Variants in CENPV observed in about 807,000 individuals in gnomAD.
CENPV encodes the protein centromere protein V.
A neutral mutation model predicts 26.4 loss-of-function variants in CENPV; 15 were observed. The ratio of observed to expected loss-of-function variants is 0.57; its 90% CI spans 0.38 to 0.88. The LOEUF is 0.88. CENPV is among the 40% of genes least tolerant of loss of function. The pLI is 0.00. For missense variants in CENPV, 336 were observed against 376.5 expected (o/e 0.89, Z 0.89); for synonymous variants, 172 against 165.5 (o/e 1.04, Z -0.30).
chr17:16,348,500 C>T, intron 3 of CENPV, 116 bp downstream of exon 3: 1 of 1,547,994 alleles, frequency 6.5e-7, no homozygotes, highest in Non-Finnish European at 8.8e-7. Context: ...GTGAGAGGCC[C>T]TGCTATGCTC....
rs924526302 is a variant in CENPV, at chr17:16,342,761, G to C, written c.*56C>G. On this transcript the variant is annotated 3_prime_UTR_variant, in exon 5 of 5. Transcript: ENST00000299736. ...GAGCACCACCGAGGCACGGCAGGGAGAGCAAAGTTGCTGGCCCCAATCATT... is the reference window on the plus strand; with the variant it reads ...GAGCACCACCGAGGCACGGCAGGGACAGCAAAGTTGCTGGCCCCAATCATT... The C allele has an allele frequency of 3.1e-6, 5 of 1,610,560 alleles. No individual in the cohort carries two copies. The highest frequency in any genetic ancestry group is 4.5e-5 in the East Asian group (2 of 44,824).
intron 3 of CENPV, among the ~76,000 whole-genome samples, chr17:16,345,986 C>T (rs982593734): frequency 5.3e-5 from 8 of 152,080 alleles, no homozygotes; most frequent in African/African-American, 1.7e-4. Flanking sequence ...AGGACATGAA[C>T]GGACAGTTCA....
chr17:16,349,783 A>C, intron 2 of CENPV, 148 bp downstream of exon 2: 1 of 1,444,424 alleles, frequency 6.9e-7, no homozygotes, highest in Non-Finnish European at 9.1e-7. Flanking sequence ...TAGAACAATG[A>C]ACCTTTCTGT....
At chr17:16,349,431 C>T (rs2093220432) in intron 2 of CENPV, 10 of 986,036 alleles carry the variant, frequency 1.0e-5, no homozygotes, top group Non-Finnish European at 1.2e-5. Flanking sequence ...ATCATAACGC[C>T]GGGGAAGGTG....
intron 4 of CENPV, 173 bp downstream of exon 4, chr17:16,344,424 C>T (rs775761832): frequency 5.4e-6 from 2 of 372,032 alleles, no homozygotes; most frequent in Non-Finnish European, 9.7e-6. Flanking sequence ...TTCACCGGAG[C>T]CCGACTCACA....
At chr17:16,351,869 T>C (rs904546584) in intron 1 of CENPV, 2 of 152,248 alleles carry the variant, frequency 1.3e-5, no homozygotes, top group African/African-American at 4.8e-5. Flanking sequence ...TTCCTAAGGA[T>C]CTTCGTATTC....
chr17:16,352,998 T>A, intron 1 of CENPV, 29 bp downstream of exon 1: 1 of 1,525,840 alleles, frequency 6.6e-7, no homozygotes, highest in South Asian at 1.2e-5. Flanking sequence ...TGGCAACGGC[T>A]CCCGCGCCCC....
chr17:16,348,982 T>A, intron 2 of CENPV: 1 of 1,083,912 alleles, frequency 9.2e-7, no homozygotes, highest in East Asian at 5.4e-5. Context: ...AGCGCTGGAC[T>A]TCAGAGACAC....
At chr17:16,353,003 CG>C in intron 1 of CENPV, 23 bp downstream of exon 1, 2 of 1,531,890 alleles carry the variant, frequency 1.3e-6, no homozygotes, top group Admixed American at 2.0e-5. Flanking sequence ...ACGGCTCCCG[CG>C]CCCCCCGGCC....
chr17:16,351,531 A>G (rs113885911), intron 1 of CENPV: 1 of 152,208 alleles, frequency 6.6e-6, no homozygotes, highest in Non-Finnish European at 1.5e-5. Flanking sequence ...ACACTATTTG[A>G]GAGTGCTCAA....
rs770031926 is a variant in CENPV, at chr17:16,348,262, T to TTC, written c.579+352_579+353dup. ...ACCTCCACCTCCCAGGTTCAAGTGA[T>TTC]TCTCCTGCCTTGGCCTCCCAAGTAG... On this transcript the variant is annotated intron_variant, in intron 3 of 4. Transcript: ENST00000299736. 3.3e-5 allele frequency: 6 copies of TTC among 181,632 alleles called. No individual in the cohort carries two copies. The South Asian group carries it at 9.0e-4, about 27-fold the overall frequency. 11.3% of individuals were successfully genotyped at this position (181,632 alleles called of 1,614,324 possible).
intron 2 of CENPV, 180 bp from the exon 3 acceptor site, chr17:16,348,865 A>C: frequency 7.2e-7 from 1 of 1,394,012 alleles, no homozygotes; most frequent in Non-Finnish European, 9.3e-7. Context: ...GGTACAGCAG[A>C]GCCCAGGGGG....
intron 1 of CENPV, chr17:16,351,472 TTTAA>T (rs1194416069): frequency 2.0e-5 from 3 of 152,230 alleles, no homozygotes; most frequent in Admixed American, 6.5e-5. Flanking sequence ...GTTTATGTAT[TTTAA>T]TTTTTTCTGC....
rs992705904 is a variant in CENPV at position 16,348,392 on chromosome 17, G to A, written c.579+224C>T. Reference sequence around the variant, plus strand: ...GGCTGGTCCTCAACTCCTGACTTCAGGTGATCCATCCATCTTGGCCTCCCA... The same window carrying A: ...GGCTGGTCCTCAACTCCTGACTTCAAGTGATCCATCCATCTTGGCCTCCCA... On this transcript the variant is annotated intron_variant, in intron 3 of 4. Transcript: ENST00000299736. 26 of 1,108,672 alleles carry A rather than the reference G, an allele frequency of 2.3e-5. No homozygotes were observed. In the African/African-American group the frequency reaches 3.5e-4, roughly 15 times the overall value. The allele number at this position is 1,108,672 out of a possible 1,614,324, so 68.7% of individuals were successfully genotyped here.
intron 4 of CENPV, 92 bp downstream of exon 4, chr17:16,344,505 C>A: frequency 1.6e-6 from 1 of 620,822 alleles, no homozygotes; most frequent in South Asian, 3.4e-5. Flanking sequence ...AGGGTCTAGT[C>A]AGCATCCCAC....
intron 1 of CENPV, 115 bp from the exon 2 acceptor site, chr17:16,350,144 C>T (rs2093223064): frequency 7.8e-7 from 1 of 1,276,144 alleles, no homozygotes; most frequent in African/African-American, 1.5e-5. Flanking sequence ...ACATGACAAC[C>T]AGATGCATTT....
At chr17:16,351,641 A>G (rs2093229546) in intron 1 of CENPV, 1 of 152,332 alleles carries the variant, frequency 6.6e-6, no homozygotes, top group South Asian at 2.1e-4. Flanking sequence ...TTTAACGAAA[A>G]TGGTACAGTT....
Position 16,344,711 on chromosome 17 carries a change from C to A in CENPV, c.580G>T (p.Gly194Ter), listed in dbSNP as rs965098113. ...GTGTAAGTCGTTATGTGCTCAGCTCCCTAGGTGAAAACAGACAAACGGTAT... is the reference window on the plus strand; with the variant it reads ...GTGTAAGTCGTTATGTGCTCAGCTCACTAGGTGAAAACAGACAAACGGTAT... ...VPASRFKLLK[G>*]AEHITTYTFN... Residue 194 changes from glycine (G) to a stop codon, truncating the protein, a stop_gained and splice_region_variant, in exon 4 of 5, where the codon GGA (glycine) becomes TGA (stop). Transcript: ENST00000299736. LOFTEE classifies it high-confidence loss of function. 2 of 1,550,532 alleles carry A rather than the reference C, an allele frequency of 1.3e-6. No homozygotes were observed. Among genetic ancestry groups the A allele is most frequent in the Non-Finnish European group, 1.7e-6 (2 of 1,143,290 alleles).
chr17:16,349,070 G>C (rs1600906884), intron 2 of CENPV: 2 of 993,680 alleles, frequency 2.0e-6, no homozygotes, highest in Non-Finnish European at 1.2e-6. Context: ...AGGAAGTTTA[G>C]GTTTCCCTCT....
Sources: gnomAD v4.1 joint callset for allele counts (sites outside exome capture counted in the v4.1 genomes callset) on GRCh38, gnomAD v4.1.1 for gene constraint, MANE v1.5 for transcripts, NCBI Gene and HGNC (gene_info 2026-07-23, HGNC 2026-07-21) for gene names.